The following AADACL2 variants were observed in gnomAD, a reference collection of about 807,000 sequenced individuals.
The protein encoded by AADACL2 is arylacetamide deacetylase like 2.
AADACL2 carries 23 observed loss-of-function variants against 22.3 expected under a neutral mutation model. That is an observed-to-expected ratio of 1.03 (90% CI 0.74 to 1.46). The LOEUF (loss-of-function observed/expected upper bound fraction) is 1.46, where lower values mean the gene tolerates loss of function less well. AADACL2 is among the 40% of genes most tolerant of loss of function. AADACL2 has a pLI of 0.00. For missense variants in AADACL2, 472 were observed against 482.9 expected (o/e 0.98, Z 0.21); for synonymous variants, 177 against 166.2 (o/e 1.07, Z -0.50).
chr3:151,749,333 A>G (rs780535176), intron 4 of AADACL2, among the ~76,000 whole-genome samples: 1 of 152,084 alleles, frequency 6.6e-6, no homozygotes, highest in African/African-American at 2.4e-5. Context: ...TCTTTTTAAG[A>G]TAGTTTGTTG....
intron 1 of AADACL2, among the ~76,000 whole-genome samples, chr3:151,734,893 T>C (rs1411077238): frequency 6.6e-6 from 1 of 152,154 alleles, no homozygotes; most frequent in Non-Finnish European, 1.5e-5. Flanking sequence ...CTATAAACTG[T>C]CTCATTTTGA....
At position 151,737,336 on chromosome 3, in the gene AADACL2, T is replaced by A. The variant is rs532542951; in HGVS notation, c.138+3163T>A. The stretch of plus-strand genomic sequence containing the variant: ...TGTGGTCCGAGAGACTTTTTTTTTT[T>A]AATTTTCATTCTTTTGTATTTTCTG... On this transcript the variant is annotated intron_variant, in intron 1 of 4. Transcript: ENST00000356517. Among the ~76,000 whole-genome samples, 66 of 151,546 alleles carry A rather than the reference T, an allele frequency of 4.4e-4. 1 individual carries two copies. The highest frequency in any genetic ancestry group is 3.4e-3 in the Middle Eastern group (1 of 294).
At position 151,761,131 on chromosome 3, in the gene AADACL2, T is replaced by TATTTTTA. The variant is rs1714128068; in HGVS notation, c.*3537_*3538insATTTTTA. 1.4e-5 allele frequency: 2 copies of TATTTTTA among 140,338 alleles called. No homozygotes were observed. The allele number at this position is 140,338 out of a possible 1,614,324, so 8.7% of individuals were successfully genotyped here. ...TTTTTATATATGGTGAGATATATAT[T>TATTTTTA]TATATATGGTGAGATATATATATAT... On this transcript the variant is annotated 3_prime_UTR_variant, in exon 5 of 5. Transcript: ENST00000356517.
intron 4 of AADACL2, among the ~76,000 whole-genome samples, chr3:151,749,777 G>A (rs759567926): frequency 1.3e-5 from 2 of 151,312 alleles, no homozygotes; most frequent in African/African-American, 2.4e-5. Flanking sequence ...CACTGCACCC[G>A]GCCCAGACTT....
rs1344151559 is a variant in AADACL2, at chr3:151,736,207, A to G, written c.138+2034A>G. ...CAAAAATAATTACAGCGGCATAAAA[A>G]AACTGCTAGTAAATTAGTGGGTTTT... On this transcript the variant is annotated intron_variant, in intron 1 of 4. Transcript: ENST00000356517. Among the ~76,000 whole-genome samples, 5 of 152,218 alleles carry G rather than the reference A, an allele frequency of 3.3e-5. No homozygotes were observed. In the East Asian group the frequency reaches 9.6e-4, roughly 29 times the overall value.
intron 4 of AADACL2, among the ~76,000 whole-genome samples, chr3:151,754,607 A>G (rs1713817501): frequency 6.6e-6 from 1 of 152,166 alleles, no homozygotes; most frequent in Non-Finnish European, 1.5e-5. Context: ...AAGATTAAGA[A>G]TAAGGATGGG....
chr3:151,745,732 T>G (rs752449350), intron 4 of AADACL2, 52 bp downstream of exon 4: 1 of 1,523,606 alleles, frequency 6.6e-7, no homozygotes, highest in Non-Finnish European at 8.8e-7. Context: ...GCTCATTTTT[T>G]TTCTATAGAT....
chr3:151,757,997 A>T lies in AADACL2; in HGVS notation c.*403A>T, dbSNP rs1051440057. ...AAAATATATGGAAACCACTGGACTA[A>T]ATAAACCCTAAGGACCCTATATTAG... On this transcript the variant is annotated 3_prime_UTR_variant, in exon 5 of 5. Coordinates refer to ENST00000356517, the MANE Select transcript of AADACL2 (RefSeq NM_207365.4). 3 of 161,282 alleles carry T rather than the reference A, an allele frequency of 1.9e-5. No individual in the cohort carries two copies. The highest frequency in any genetic ancestry group is 1.8e-4 in the Admixed American group (3 of 16,592). 10.0% of individuals were successfully genotyped at this position (161,282 alleles called of 1,614,324 possible).
chr3:151,754,798 C>G (rs1713827406), intron 4 of AADACL2, among the ~76,000 whole-genome samples: 1 of 152,084 alleles, frequency 6.6e-6, no homozygotes, highest in Admixed American at 6.6e-5. Flanking sequence ...CTTTTTCATT[C>G]TTGTTCTTTA....
intron 1 of AADACL2, among the ~76,000 whole-genome samples, chr3:151,734,841 A>G (rs1713038161): frequency 6.6e-6 from 1 of 152,186 alleles, no homozygotes. Context: ...AGAGATTGAG[A>G]AGAACATATG....
chr3:151,756,898 ATTTG>A (rs1403485126), intron 4 of AADACL2, 90 bp from the exon 5 acceptor site: 43 of 1,145,650 alleles, frequency 3.8e-5, no homozygotes, highest in African/African-American at 7.8e-5. Flanking sequence ...ATTTATGTAG[ATTTG>A]TTTATCTTAT....
intron 2 of AADACL2, among the ~76,000 whole-genome samples, chr3:151,741,773 A>G (rs1191978053): frequency 6.6e-6 from 1 of 152,168 alleles, no homozygotes; most frequent in African/African-American, 2.4e-5. Context: ...GACTTGAGTA[A>G]GCACAAAAGA....
At position 151,758,304 on chromosome 3, in the gene AADACL2, T is replaced by G. The variant is rs1714024413; in HGVS notation, c.*710T>G. The stretch of plus-strand genomic sequence containing the variant: ...CTTTCTGCTTCATCTTCACATTGCC[T>G]TCTTCTCTGCCTGTGTCTAATCTCC... On this transcript the variant is annotated 3_prime_UTR_variant, in exon 5 of 5. Coordinates refer to ENST00000356517, the MANE Select transcript of AADACL2 (RefSeq NM_207365.4). The G allele has an allele frequency of 6.6e-6, 1 of 152,164 alleles. No homozygotes were observed. The highest frequency in any genetic ancestry group is 2.4e-5 in the African/African-American group (1 of 41,400). The allele number at this position is 152,164 out of a possible 1,614,324, so 9.4% of individuals were successfully genotyped here.
chr3:151,740,977 C>A, intron 2 of AADACL2, 109 bp downstream of exon 2: 1 of 861,318 alleles, frequency 1.2e-6, no homozygotes, highest in Non-Finnish European at 1.8e-6. Context: ...TATATATATA[C>A]TTGTCTGGAT....
Position 151,757,359 on chromosome 3 carries a change from A to C in AADACL2, c.971A>C (p.Asp324Ala). The C allele has an allele frequency of 6.2e-7, 1 of 1,613,814 alleles. No individual in the cohort carries two copies. The highest frequency in any genetic ancestry group is 1.1e-5 in the South Asian group (1 of 91,064). Residue 324 changes from aspartate (D) to alanine (A), a missense_variant, in exon 5 of 5, where the codon GAT becomes GCT. Transcript: ENST00000356517. ...DSRALPLLAN[D>A]SQLQNLPLTY... ...AGAGCATTACCCTTGTTGGCCAATG[A>C]TTCTCAGTTACAGAATTTGCCACTA...
At chr3:151,734,513 G>A (rs558484078) in intron 1 of AADACL2, among the ~76,000 whole-genome samples, 4 of 152,094 alleles carry the variant, frequency 2.6e-5, no homozygotes, top group Non-Finnish European at 4.4e-5. Context: ...GGACAACCTA[G>A]TCCTGTAATT....
At position 151,735,712 on chromosome 3, in the gene AADACL2, C is replaced by T. The variant is rs189242632; in HGVS notation, c.138+1539C>T. ...GGCGGAGGTTGCAGTGAGCTGAGAT[C>T]GTGCCATTGCACTCTAGCCTGGATG... On this transcript the variant is annotated intron_variant, in intron 1 of 4. Transcript: ENST00000356517. Among the ~76,000 whole-genome samples, 143 of 152,244 alleles carry T rather than the reference C, an allele frequency of 9.4e-4. 2 individuals carry two copies. The highest frequency in any genetic ancestry group is 2.9e-3 in the African/African-American group (119 of 41,548).
At chr3:151,746,121 C>G (rs935953524) in intron 4 of AADACL2, among the ~76,000 whole-genome samples, 19 of 151,998 alleles carry the variant, frequency 1.3e-4, no homozygotes, top group African/African-American at 4.6e-4. Flanking sequence ...TTCAATTTCT[C>G]AGCAATATTT....
chr3:151,747,024 T>G (rs974278817), intron 4 of AADACL2, among the ~76,000 whole-genome samples: 10 of 152,056 alleles, frequency 6.6e-5, no homozygotes, highest in Non-Finnish European at 1.5e-5. Context: ...AGAGAAAAAT[T>G]ACACTAGCCT....
Sources: gnomAD v4.1 joint callset for allele counts (sites outside exome capture counted in the v4.1 genomes callset) on GRCh38, gnomAD v4.1.1 for gene constraint, MANE v1.5 for transcripts, NCBI Gene and HGNC (gene_info 2026-07-23, HGNC 2026-07-21) for gene names.